ROR2: variants seen among roughly 807,000 people sequenced by gnomAD.
ROR2 encodes the protein tyrosine-protein kinase transmembrane receptor ROR2.
ROR2 carries 33 observed loss-of-function variants against 74.9 expected under a neutral mutation model. The ratio of observed to expected loss-of-function variants is 0.44; its 90% CI spans 0.33 to 0.59. The LOEUF is 0.59. Among genes scored for constraint, ROR2 ranks in the 20% least tolerant of loss-of-function variants. The pLI, the probability that ROR2 is intolerant of heterozygous loss-of-function variation, is 0.02. For missense variants in ROR2, 1,216 were observed against 1,313.8 expected (o/e 0.93, Z 1.15); for synonymous variants, 586 against 558.7 (o/e 1.05, Z -0.69).
intron 4 of ROR2, among the ~76,000 whole-genome samples, chr9:91,748,568 T>G (rs1825505171): frequency 1.3e-5 from 2 of 152,202 alleles, no homozygotes; most frequent in African/African-American, 2.4e-5. Flanking sequence ...GGGTGTAAGA[T>G]TTGTATTTAA....
At chr9:91,775,715 G>A in intron 2 of ROR2, 26 bp downstream of exon 2, 1 of 1,602,466 alleles carries the variant, frequency 6.2e-7, no homozygotes, top group Non-Finnish European at 8.6e-7. Flanking sequence ...GGAGGACATG[G>A]AGAGCACCTG....
rs573540547 is a variant in ROR2 at position 91,759,672 on chromosome 9, C to A, written c.176-2113G>T. ...ATATAATCTGGGCTGCCCATCCCAG[C>A]ATATCATTTCACTGTGTTCTGGCCA... is the stretch of plus-strand genomic sequence containing the variant. On this transcript the variant is annotated intron_variant, in intron 2 of 8. Transcript: ENST00000375708. Among the ~76,000 whole-genome samples the A allele has an allele frequency of 5.3e-5, 8 of 152,198 alleles. No individual in the cohort carries two copies. The East Asian group carries it at 1.5e-3, about 29-fold the overall frequency.
intron 1 of ROR2, among the ~76,000 whole-genome samples, chr9:91,852,782 T>C (rs116756506): frequency 0.03 from 4,511 of 152,322 alleles, 90 homozygotes; most frequent in Middle Eastern, 0.12. Flanking sequence ...AGGATGCCTA[T>C]AGGAAAATGG....
chr9:91,911,564 A>G (rs1830982869), intron 1 of ROR2, among the ~76,000 whole-genome samples: 2 of 152,208 alleles, frequency 1.3e-5, no homozygotes, highest in Admixed American at 1.3e-4. Flanking sequence ...ATAAATAGAT[A>G]GGGAAGTAGG....
chr9:91,757,415 C>T lies in ROR2; in HGVS notation c.320G>A (p.Arg107Gln), dbSNP rs201295111. The change falls in exon 3 of 9, where the codon CGG (arginine) becomes CAG (glutamine). Residue 107 changes from arginine to glutamine, a missense_variant. Coordinates refer to ENST00000375708, the MANE Select transcript of ROR2 (RefSeq NM_004560.4). ...KNDAPVVQEP[R>Q]RIIIRKTEYG... ...TTCTGTCTTCCGGATGATGATCCGC[C>T]GCGGCTCCTGCACCACCGGGGCATC... 15 of 1,613,680 alleles carry T rather than the reference C, an allele frequency of 9.3e-6. No individual in the cohort carries two copies. Among genetic ancestry groups the T allele is most frequent in the Non-Finnish European group, 1.1e-5 (13 of 1,179,982 alleles).
chr9:91,741,990 G>C lies in ROR2; in HGVS notation c.495-4472C>G, dbSNP rs372843360. On this transcript the variant is annotated intron_variant, in intron 4 of 8. Coordinates refer to ENST00000375708, the MANE Select transcript of ROR2 (RefSeq NM_004560.4). ...AAACACAAAGATAACCTAGATGTAA[G>C]AATCAGCAGAGCAGGTTGGATTAGG... Among the ~76,000 whole-genome samples the C allele has an allele frequency of 4.3e-4, 65 of 152,288 alleles. 1 individual carries two copies. In the South Asian group the frequency reaches 0.013, roughly 30 times the overall value.
At chr9:91,814,415 C>A (rs1001617867) in intron 1 of ROR2, among the ~76,000 whole-genome samples, 2 of 152,112 alleles carry the variant, frequency 1.3e-5, no homozygotes, top group Admixed American at 1.3e-4. Flanking sequence ...GGGAGAAGAG[C>A]GGCCATCCAT....
At position 91,818,364 on chromosome 9, in the gene ROR2, T is replaced by C. The variant is rs73651559; in HGVS notation, c.98-42546A>G. Among the ~76,000 whole-genome samples, 393 of 152,286 alleles carry C rather than the reference T, an allele frequency of 2.6e-3. 2 individuals carry two copies. Among genetic ancestry groups the C allele is most frequent in the African/African-American group, 9.0e-3 (376 of 41,548 alleles). On this transcript the variant is annotated intron_variant, in intron 1 of 8. Transcript: ENST00000375708. ...TGCAACAGCACAACCACGTATCTTT[T>C]GCAATATCTTTAACTGGAACAAAAT...
At chr9:91,848,580 G>A (rs1828995983) in intron 1 of ROR2, among the ~76,000 whole-genome samples, 2 of 152,028 alleles carry the variant, frequency 1.3e-5, no homozygotes, top group Non-Finnish European at 1.5e-5. Flanking sequence ...GGCCAACATG[G>A]CGAAACACTA....
chr9:91,753,366 A>G (rs949464492), intron 4 of ROR2, among the ~76,000 whole-genome samples: 7 of 152,228 alleles, frequency 4.6e-5, no homozygotes, highest in African/African-American at 1.7e-4. Flanking sequence ...ACTAGTAACC[A>G]GGGAAATGGA....
intron 1 of ROR2, among the ~76,000 whole-genome samples, chr9:91,780,604 A>G (rs1350993877): frequency 6.6e-6 from 1 of 151,786 alleles, no homozygotes; most frequent in Admixed American, 6.6e-5. Context: ...CAGCCTGGCC[A>G]ACGTGGTGAA....
At chr9:91,892,714 TG>T (rs1297196023) in intron 1 of ROR2, among the ~76,000 whole-genome samples, 2 of 149,822 alleles carry the variant, frequency 1.3e-5, no homozygotes, top group Non-Finnish European at 3.0e-5. Flanking sequence ...CTCAGCCCCC[TG>T]AGTAGCTGGG....
intron 1 of ROR2, among the ~76,000 whole-genome samples, chr9:91,908,768 G>A (rs1830879758): frequency 6.6e-6 from 1 of 152,122 alleles, no homozygotes; most frequent in Non-Finnish European, 1.5e-5. Context: ...ATTCAGTAGA[G>A]CCAAAGGAAA....
At chr9:91,826,218 G>A (rs771883885) in intron 1 of ROR2, among the ~76,000 whole-genome samples, 1 of 152,132 alleles carries the variant, frequency 6.6e-6, no homozygotes, top group Non-Finnish European at 1.5e-5. Flanking sequence ...CCCATTCATA[G>A]GACTGAATGT....
intron 1 of ROR2, among the ~76,000 whole-genome samples, chr9:91,839,048 C>G (rs933069426): frequency 6.6e-6 from 1 of 152,172 alleles, no homozygotes; most frequent in East Asian, 1.9e-4. Flanking sequence ...AAAGCACACA[C>G]TACACAACAT....
intron 1 of ROR2, among the ~76,000 whole-genome samples, chr9:91,875,715 G>A (rs1474703486): frequency 6.6e-6 from 1 of 152,180 alleles, no homozygotes; most frequent in East Asian, 1.9e-4. Flanking sequence ...AGGTGAGAGA[G>A]CTCCAGAAAT....
chr9:91,781,152 T>A (rs551165097), intron 1 of ROR2, among the ~76,000 whole-genome samples: 1 of 152,200 alleles, frequency 6.6e-6, no homozygotes, highest in Non-Finnish European at 1.5e-5. Flanking sequence ...GAGCTTGGCA[T>A]TCTTGGATTT....
chr9:91,742,565 C>A (rs1825288749), intron 4 of ROR2, among the ~76,000 whole-genome samples: 1 of 152,212 alleles, frequency 6.6e-6, no homozygotes, highest in South Asian at 2.1e-4. Context: ...AGCCATGCAC[C>A]ACATAACGAT....
At chr9:91,920,659 C>A (rs1288511296) in intron 1 of ROR2, among the ~76,000 whole-genome samples, 1 of 152,182 alleles carries the variant, frequency 6.6e-6, no homozygotes, top group Non-Finnish European at 1.5e-5. Context: ...TGCTTCCAGG[C>A]ACTTGGGAGC....
Sources: gnomAD v4.1 joint callset for allele counts (sites outside exome capture counted in the v4.1 genomes callset) on GRCh38, gnomAD v4.1.1 for gene constraint, MANE v1.5 for transcripts, NCBI Gene and HGNC (gene_info 2026-07-23, HGNC 2026-07-21) for gene names.